Variants in EIPR1 observed in about 807,000 individuals in gnomAD.
EIPR1 encodes EARP and GARP complex-interacting protein 1.
A neutral mutation model predicts 48.1 loss-of-function variants in EIPR1; 25 were observed. That is an observed-to-expected ratio of 0.52 (90% CI 0.38 to 0.73). The LOEUF (loss-of-function observed/expected upper bound fraction) is 0.73, where lower values mean the gene tolerates loss of function less well. EIPR1 is among the 30% of genes least tolerant of loss of function. The probability of loss-of-function intolerance (pLI) is 0.00; values close to 1 mark genes in which losing one functional copy is unlikely to be tolerated. For synonymous variants in EIPR1, 204 were observed against 201.9 expected (o/e 1.01, Z -0.09); for missense variants, 415 against 506.2 (o/e 0.82, Z 1.73).
chr2:3,223,087 C>T (rs532153955), intron 4 of EIPR1, among the ~76,000 whole-genome samples: 9 of 152,194 alleles, frequency 5.9e-5, no homozygotes, highest in Non-Finnish European at 1.3e-4. Flanking sequence ...TTATTCTTCA[C>T]AGGACCAGGA....
intron 8 of EIPR1, 115 bp downstream of exon 8, chr2:3,192,299 T>C (rs1025043659): frequency 7.6e-5 from 95 of 1,246,878 alleles, no homozygotes; most frequent in Non-Finnish European, 9.4e-5. Flanking sequence ...GTAAGGAGAG[T>C]GTCCCCCAAA....
chr2:3,303,049 C>T (rs762019209), intron 3 of EIPR1, among the ~76,000 whole-genome samples: 4 of 152,212 alleles, frequency 2.6e-5, no homozygotes, highest in African/African-American at 4.8e-5. Context: ...GTGACAGTGG[C>T]GCTGGCTCAC....
intron 5 of EIPR1, among the ~76,000 whole-genome samples, chr2:3,210,081 C>T (rs1480662652): frequency 6.6e-6 from 1 of 151,870 alleles, no homozygotes; most frequent in South Asian, 2.1e-4. Context: ...AAAGGTCCCA[C>T]GCCAGCAGGG....
intron 3 of EIPR1, among the ~76,000 whole-genome samples, chr2:3,293,035 C>T (rs2103276384): frequency 6.6e-6 from 1 of 152,368 alleles, no homozygotes; most frequent in Middle Eastern, 3.4e-3. Context: ...CAGGCCTGAG[C>T]TCTTCTGCAC....
chr2:3,202,073 G>C (rs947747802), intron 5 of EIPR1, among the ~76,000 whole-genome samples: 1 of 151,838 alleles, frequency 6.6e-6, no homozygotes, highest in Non-Finnish European at 1.5e-5. Context: ...GAGTAGCTGG[G>C]ACTACAGGCG....
intron 5 of EIPR1, among the ~76,000 whole-genome samples, chr2:3,203,399 C>T (rs188091455): frequency 7.9e-5 from 12 of 152,314 alleles, no homozygotes; most frequent in Admixed American, 3.9e-4. Context: ...AAAGCCTCAC[C>T]AAGGCAGAGA....
At position 3,292,615 on chromosome 2, in the gene EIPR1, C is replaced by A. The variant is rs547662561; in HGVS notation, c.260-35160G>T. 3.9e-5 allele frequency among the ~76,000 whole-genome samples: 6 copies of A among 152,288 alleles called. No homozygotes were observed. The Middle Eastern group carries it at 0.01, about 259-fold the overall frequency. On this transcript the variant is annotated intron_variant, in intron 3 of 8. Transcript: ENST00000382125. The stretch of plus-strand genomic sequence containing the variant: ...GACCTCCCCAAGGCCATACAGCCTC[C>A]GTGCCAGAGCCGGAACTCAAATCCA...
At chr2:3,368,826 A>G (rs928396068) in intron 1 of EIPR1, among the ~76,000 whole-genome samples, 8 of 152,224 alleles carry the variant, frequency 5.3e-5, no homozygotes, top group Admixed American at 5.2e-4. Flanking sequence ...TTTCAAATAT[A>G]ATTATAAAAA....
At chr2:3,288,926 CT>C (rs1420865858) in intron 3 of EIPR1, among the ~76,000 whole-genome samples, 1 of 152,232 alleles carries the variant, frequency 6.6e-6, no homozygotes, top group Non-Finnish European at 1.5e-5. Context: ...CCCTGGCCCC[CT>C]GGGCAGCCAC....
intron 3 of EIPR1, among the ~76,000 whole-genome samples, chr2:3,289,958 G>A (rs998510952): frequency 1.3e-5 from 2 of 152,224 alleles, no homozygotes; most frequent in Non-Finnish European, 2.9e-5. Context: ...TGCCACGGTC[G>A]CTCACAGAAC....
rs147205575 is a variant in EIPR1 at position 3,253,708 on chromosome 2, G to A, written c.416+3591C>T. Among the ~76,000 whole-genome samples, 112 of 152,342 alleles carry A rather than the reference G, an allele frequency of 7.4e-4. 1 individual carries two copies. Among genetic ancestry groups the A allele is most frequent in the African/African-American group, 2.4e-3 (98 of 41,584 alleles). On this transcript the variant is annotated intron_variant, in intron 4 of 8. Transcript: ENST00000382125. ...CACACTGGGTCATAAGGCTCTATAA[G>A]TTCCTTCCTTAGCCTTCGCTGTTCC...
At chr2:3,343,353 C>G (rs1474630678) in intron 2 of EIPR1, among the ~76,000 whole-genome samples, 2 of 152,212 alleles carry the variant, frequency 1.3e-5, no homozygotes, top group Non-Finnish European at 2.9e-5. Flanking sequence ...CAGGCCGGCT[C>G]CGAAAACAAG....
chr2:3,326,818 T>A (rs974014533), intron 3 of EIPR1, among the ~76,000 whole-genome samples: 1 of 152,252 alleles, frequency 6.6e-6, no homozygotes, highest in African/African-American at 2.4e-5. Flanking sequence ...TCTTCCTAAA[T>A]CTCACTGAGA....
At chr2:3,279,237 C>T (rs1050934752) in intron 3 of EIPR1, among the ~76,000 whole-genome samples, 2 of 152,200 alleles carry the variant, frequency 1.3e-5, no homozygotes, top group Admixed American at 6.5e-5. Context: ...CTTTGGAAAT[C>T]TGATGATTTT....
chr2:3,304,920 A>G (rs1013068410), intron 3 of EIPR1, among the ~76,000 whole-genome samples: 120 of 71,178 alleles, frequency 1.7e-3, no homozygotes, highest in Middle Eastern at 0.011. Flanking sequence ...GTCCAGTTCA[A>G]CCCTCCAGTC....
intron 3 of EIPR1, among the ~76,000 whole-genome samples, chr2:3,299,861 G>A (rs981802104): frequency 1.4e-4 from 22 of 151,994 alleles, no homozygotes; most frequent in African/African-American, 4.1e-4. Context: ...TCCCAGTCTC[G>A]GCACCACCAC....
At chr2:3,302,057 C>G (rs1435071444) in intron 3 of EIPR1, among the ~76,000 whole-genome samples, 1 of 152,178 alleles carries the variant, frequency 6.6e-6, no homozygotes, top group African/African-American at 2.4e-5. Flanking sequence ...CCTGAGGCCA[C>G]GCCAGCAGTG....
intron 3 of EIPR1, among the ~76,000 whole-genome samples, chr2:3,285,871 A>G (rs1448193919): frequency 7.7e-6 from 1 of 129,544 alleles, no homozygotes; most frequent in African/African-American, 3.1e-5. Flanking sequence ...CCTCGCACGG[A>G]GCAGAAGTCA....
chr2:3,194,293 C>T (rs1025484745), intron 6 of EIPR1, 127 bp from the exon 7 acceptor site: 72 of 1,170,336 alleles, frequency 6.2e-5, no homozygotes, highest in Non-Finnish European at 8.3e-5. Flanking sequence ...CTCTCATCCC[C>T]TCGGCGTTCC....
Sources: gnomAD v4.1 joint callset for allele counts (sites outside exome capture counted in the v4.1 genomes callset) on GRCh38, gnomAD v4.1.1 for gene constraint, MANE v1.5 for transcripts, NCBI Gene and HGNC (gene_info 2026-07-23, HGNC 2026-07-21) for gene names.